LRRC8A: variants seen among roughly 807,000 people sequenced by gnomAD.
LRRC8A encodes the protein leucine rich repeat containing 8 VRAC subunit A, also known as volume-regulated anion channel subunit LRRC8A.
In LRRC8A, 24 loss-of-function variants were observed where a neutral mutation model predicts 52.5. The observed-to-expected ratio is 0.46, with a 90% CI of 0.33 to 0.64. The LOEUF (loss-of-function observed/expected upper bound fraction) is 0.64. LRRC8A is among the 30% of genes least tolerant of loss of function. LRRC8A has a pLI of 0.02. For synonymous variants in LRRC8A, 492 were observed against 494.2 expected (o/e 1.00, Z 0.06); for missense variants, 677 against 1,094.7 (o/e 0.62, Z 5.38).
intron 2 of LRRC8A, among the ~76,000 whole-genome samples, chr9:128,901,244 C>T (rs1239240549): frequency 6.6e-6 from 1 of 152,102 alleles, no homozygotes; most frequent in Non-Finnish European, 1.5e-5. Context: ...GCGGGTGGAT[C>T]ATGAGGTCAG....
chr9:128,906,117 A>G (rs1840236940), intron 2 of LRRC8A, among the ~76,000 whole-genome samples: 1 of 152,136 alleles, frequency 6.6e-6, no homozygotes, highest in Non-Finnish European at 1.5e-5. Flanking sequence ...TCTTGTACAC[A>G]CATAACTATA....
rs192423688 is a variant in LRRC8A, at chr9:128,891,483, C to T, written c.-9+5362C>T. ...GGCTGAGGCTGGAGGATCGCTTGAG[C>T]CAAGGAGTTCAAAGTTGCAGTGAGT... On this transcript the variant is annotated intron_variant, in intron 2 of 3. Coordinates refer to ENST00000372600, the MANE Select transcript of LRRC8A (RefSeq NM_019594.4). Among the ~76,000 whole-genome samples, 9 of 152,320 alleles carry T rather than the reference C, an allele frequency of 5.9e-5. No individual in the cohort carries two copies. The East Asian group carries it at 1.7e-3, about 29-fold the overall frequency.
In LRRC8A at chr9:128,899,401, G is replaced by C. The variant is rs931693197; in HGVS notation, c.-8-7756G>C. 1.3e-5 allele frequency among the ~76,000 whole-genome samples: 2 copies of C among 152,034 alleles called. No homozygotes were observed. Among genetic ancestry groups the C allele is most frequent in the Non-Finnish European group, 2.9e-5 (2 of 68,008 alleles). ...CCAAGAAGGGCTCTCGGTGGGGTCT[G>C]CTCCATCTGAATGGCCCACCCTGGA... On this transcript the variant is annotated intron_variant, in intron 2 of 3. Coordinates refer to ENST00000372600, the MANE Select transcript of LRRC8A (RefSeq NM_019594.4). The surrounding 1 kb of genome is among the most constrained non-coding windows in gnomAD (Gnocchi z 4.0).
At chr9:128,912,215 G>A (rs974548199) in intron 3 of LRRC8A, among the ~76,000 whole-genome samples, 1 of 152,162 alleles carries the variant, frequency 6.6e-6, no homozygotes, top group African/African-American at 2.4e-5. Flanking sequence ...GAGCCACTTC[G>A]CCTGGCCTTT....
rs1840378747 is a variant in LRRC8A at position 128,908,971 on chromosome 9, C to T, written c.1807C>T (p.Leu603=). The change falls in exon 3 of 4, where the codon CTG becomes TTG. Residue 603 remains leucine, a synonymous_variant. Coordinates refer to ENST00000372600, the MANE Select transcript of LRRC8A (RefSeq NM_019594.4). ...LTELELIRCD[L]ERIPHSIFSL... ...TGAGCTGGAGCTGATCCGCTGTGAC[C>T]TGGAGCGCATCCCCCACTCCATCTT... 1 of 1,614,064 alleles carries T rather than the reference C, an allele frequency of 6.2e-7. No individual in the cohort carries two copies.
intron 1 of LRRC8A, among the ~76,000 whole-genome samples, chr9:128,883,169 C>G (rs575405550): frequency 6.6e-6 from 1 of 152,298 alleles, no homozygotes; most frequent in African/African-American, 2.4e-5. Context: ...AGCCACACTT[C>G]CACTGACTCC....
At position 128,893,489 on chromosome 9, in the gene LRRC8A, C is replaced by T. The variant is rs190548543; in HGVS notation, c.-9+7368C>T. On this transcript the variant is annotated intron_variant, in intron 2 of 3. Transcript: ENST00000372600. ...TTGAGGACACAGAGGCTCTGAGGCC[C>T]CAGTGAGGCAGTAGTGGGGTTGGCG... Among the ~76,000 whole-genome samples the T allele has an allele frequency of 2.6e-5, 4 of 152,226 alleles. No homozygotes were observed. The East Asian group carries it at 7.7e-4, about 29-fold the overall frequency.
rs868276047 is a variant in LRRC8A, at chr9:128,910,615, A to G, written c.2157+1294A>G. On this transcript the variant is annotated intron_variant, in intron 3 of 3. Coordinates refer to ENST00000372600, the MANE Select transcript of LRRC8A (RefSeq NM_019594.4). ...GGCTGAGGCAGGATCGCTTCAGCCT[A>G]GGAGTTCAAGACTGCAGTGAGCTAT... Among the ~76,000 whole-genome samples the G allele has an allele frequency of 3.3e-5, 5 of 152,274 alleles. 1 individual carries two copies. In the South Asian group the frequency reaches 1.0e-3, roughly 32 times the overall value.
chr9:128,882,406 C>T (rs962095762), intron 1 of LRRC8A, 156 bp downstream of exon 1: 5 of 284,088 alleles, frequency 1.8e-5, no homozygotes, highest in South Asian at 3.3e-4. Flanking sequence ...GTTCGGCCTA[C>T]CTCTGGGCTC....
chr9:128,915,527 G>A (rs536805673), intron 3 of LRRC8A, among the ~76,000 whole-genome samples: 71 of 152,208 alleles, frequency 4.7e-4, no homozygotes, highest in African/African-American at 1.6e-3. Flanking sequence ...GGGTTTCACC[G>A]TGTTAGCCAG....
At chr9:128,900,852 C>T (rs1193798248) in intron 2 of LRRC8A, among the ~76,000 whole-genome samples, 1 of 152,062 alleles carries the variant, frequency 6.6e-6, no homozygotes, top group Non-Finnish European at 1.5e-5. Flanking sequence ...CATAGCAAGA[C>T]CCCATCTCTC....
chr9:128,899,961 TC>T lies in LRRC8A; in HGVS notation c.-8-7194del, dbSNP rs138245467. 0.019 allele frequency among the ~76,000 whole-genome samples: 2,941 copies of T among 152,352 alleles called. 105 individuals are homozygous for T. Among genetic ancestry groups the T allele is most frequent in the African/African-American group, 0.067 (2,786 of 41,574 alleles). The stretch of plus-strand genomic sequence containing the variant: ...AATGGACCTGGAAACAATGGGGACC[TC>T]CTGGCTCAGTGCAGGGGAGAATCTG... On this transcript the variant is annotated intron_variant, in intron 2 of 3. Transcript: ENST00000372600. This position sits in a 1 kb window ranked among gnomAD's most constrained non-coding sequence, Gnocchi z 4.0.
At chr9:128,913,025 C>T (rs1840628991) in intron 3 of LRRC8A, among the ~76,000 whole-genome samples, 1 of 152,124 alleles carries the variant, frequency 6.6e-6, no homozygotes, top group African/African-American at 2.4e-5. Context: ...CTTGAATCCA[C>T]CTGAAGCCCA....
chr9:128,883,682 A>AG (rs1319277395), intron 1 of LRRC8A, among the ~76,000 whole-genome samples: 1 of 152,188 alleles, frequency 6.6e-6, no homozygotes, highest in Admixed American at 6.5e-5. Flanking sequence ...GGTACAGAGC[A>AG]GGGGGTGCAG....
rs1839667956 is a variant in LRRC8A, at chr9:128,892,623, C to T, written c.-9+6502C>T. Among the ~76,000 whole-genome samples, 1 of 152,180 alleles carries T rather than the reference C, an allele frequency of 6.6e-6. No homozygotes were observed. Among genetic ancestry groups the T allele is most frequent in the Non-Finnish European group, 1.5e-5 (1 of 68,010 alleles). ...CAGCTGGGTGTGGGGGCCTCCAGGG[C>T]AGTGTCCGCCCTGGGGAGGGTGGAG... On this transcript the variant is annotated intron_variant, in intron 2 of 3. Transcript: ENST00000372600. The surrounding 1 kb of genome is among the most constrained non-coding windows in gnomAD (Gnocchi z 5.2).
chr9:128,893,576 C>T (rs948001935), intron 2 of LRRC8A, among the ~76,000 whole-genome samples: 3 of 151,994 alleles, frequency 2.0e-5, no homozygotes, highest in Non-Finnish European at 2.9e-5. Flanking sequence ...AGGTGAGGAC[C>T]GCAAGCTGCT....
intron 2 of LRRC8A, among the ~76,000 whole-genome samples, chr9:128,894,483 C>CAA (rs563089026): frequency 7.3e-6 from 1 of 136,344 alleles, no homozygotes; most frequent in African/African-American, 2.7e-5. Context: ...GACTCCATCT[C>CAA]AAAAAAAAAA....
At chr9:128,889,599 A>G (rs1250169175) in intron 2 of LRRC8A, among the ~76,000 whole-genome samples, 1 of 151,612 alleles carries the variant, frequency 6.6e-6, no homozygotes, top group Non-Finnish European at 1.5e-5. Context: ...GGTTCAAGCT[A>G]TTCTCCTGCC....
chr9:128,887,091 A>C (rs1050977531), intron 2 of LRRC8A, among the ~76,000 whole-genome samples: 3 of 151,816 alleles, frequency 2.0e-5, no homozygotes, highest in Non-Finnish European at 4.4e-5. Context: ...CCTGGATTTT[A>C]AAAGAAATAG....
Sources: gnomAD v4.1 joint callset for allele counts (sites outside exome capture counted in the v4.1 genomes callset) on GRCh38, gnomAD v4.1.1 for gene constraint, Gnocchi (gnomAD v3.1) non-coding constraint, MANE v1.5 for transcripts, NCBI Gene and HGNC (gene_info 2026-07-23, HGNC 2026-07-21) for gene names.